Variants in EHMT1 observed in about 807,000 individuals in gnomAD.
EHMT1 encodes the protein euchromatic histone lysine methyltransferase 1, also known as histone-lysine N-methyltransferase EHMT1.
A neutral mutation model predicts 147.2 loss-of-function variants in EHMT1; 15 were observed. That is an observed-to-expected ratio of 0.10 (90% CI 0.07 to 0.16). The LOEUF (loss-of-function observed/expected upper bound fraction) is 0.16, where lower values mean the gene tolerates loss of function less well. Among genes scored for constraint, EHMT1 ranks in the 10% least tolerant of loss-of-function variants. EHMT1 has a pLI of 1.00. For missense variants in EHMT1, 1,587 were observed against 1,772.4 expected, an observed-to-expected ratio of 0.90 and a Z score of 1.88; for synonymous variants, 795 against 709.6, an observed-to-expected ratio of 1.12 and a Z score of -1.91.
At chr9:137,801,225 C>T (rs1484116360) in intron 18 of EHMT1, among the ~76,000 whole-genome samples, 3 of 152,206 alleles carry the variant, frequency 2.0e-5, no homozygotes, top group Non-Finnish European at 4.4e-5. Context: ...GCTGCACTGC[C>T]CTGGTCTCCC....
At chr9:137,668,530 G>A (rs1012425162) in intron 1 of EHMT1, among the ~76,000 whole-genome samples, 2 of 152,130 alleles carry the variant, frequency 1.3e-5, no homozygotes, top group African/African-American at 4.8e-5. Flanking sequence ...TGAAACTTGA[G>A]TATATTTGTG....
chr9:137,635,616 C>G (rs144494942), intron 1 of EHMT1, among the ~76,000 whole-genome samples: 1,581 of 151,388 alleles, frequency 0.01, 25 homozygotes, highest in African/African-American at 0.032. Context: ...GTCAGGAGAT[C>G]GAGACCATCC....
At chr9:137,690,506 CAAAAAAA>C (rs34887611) in intron 1 of EHMT1, among the ~76,000 whole-genome samples, 2 of 91,152 alleles carry the variant, frequency 2.2e-5, no homozygotes, top group Non-Finnish European at 4.7e-5. Context: ...GACCCTGTCT[CAAAAAAA>C]AAAAAAAAAA....
chr9:137,621,251 A>T (rs1046665472), intron 1 of EHMT1, among the ~76,000 whole-genome samples: 1 of 152,216 alleles, frequency 6.6e-6, no homozygotes, highest in African/African-American at 2.4e-5. Flanking sequence ...GTAGGTAGGC[A>T]TGTGATCACT....
At chr9:137,651,324 T>A (rs941452761) in intron 1 of EHMT1, among the ~76,000 whole-genome samples, 1 of 152,230 alleles carries the variant, frequency 6.6e-6, no homozygotes, top group East Asian at 1.9e-4. Flanking sequence ...TTAGAAACAC[T>A]TTTGAAATTC....
intron 8 of EHMT1, 57 bp downstream of exon 8, chr9:137,754,348 AGGAGGCCCACCT>A: frequency 6.2e-7 from 1 of 1,607,616 alleles, no homozygotes; most frequent in Non-Finnish European, 8.5e-7. Context: ...GGATGGTGCC[AGGAGGCCCACCT>A]GGGGTTGGGG....
chr9:137,806,633 C>T (rs1034331601), intron 18 of EHMT1, among the ~76,000 whole-genome samples: 2 of 152,134 alleles, frequency 1.3e-5, no homozygotes, highest in Non-Finnish European at 2.9e-5. Context: ...ATGGGTTTCA[C>T]CATGTTGGCC....
intron 1 of EHMT1, among the ~76,000 whole-genome samples, chr9:137,655,542 C>T (rs1031568007): frequency 6.6e-6 from 1 of 152,212 alleles, no homozygotes; most frequent in Non-Finnish European, 1.5e-5. Flanking sequence ...TTACCATTTA[C>T]ATGAAGATGC....
At chr9:137,634,367 G>A (rs1268445430) in intron 1 of EHMT1, among the ~76,000 whole-genome samples, 1 of 152,158 alleles carries the variant, frequency 6.6e-6, no homozygotes, top group African/African-American at 2.4e-5. Context: ...TTCATGTACA[G>A]TTGGCTCAGC....
intron 1 of EHMT1, among the ~76,000 whole-genome samples, chr9:137,654,343 G>T (rs1288121227): frequency 6.6e-6 from 1 of 151,264 alleles, no homozygotes; most frequent in Non-Finnish European, 1.5e-5. Context: ...CAGCCTGGGC[G>T]ACAGAGCGAG....
intron 1 of EHMT1, among the ~76,000 whole-genome samples, chr9:137,680,405 A>G (rs1941824828): frequency 6.6e-6 from 1 of 152,204 alleles, no homozygotes; most frequent in Non-Finnish European, 1.5e-5. Flanking sequence ...CTGGAGAGGC[A>G]GAGGTTGCAG....
At chr9:137,631,963 G>A (rs866561510) in intron 1 of EHMT1, among the ~76,000 whole-genome samples, 5 of 152,184 alleles carry the variant, frequency 3.3e-5, no homozygotes, top group African/African-American at 9.7e-5. Context: ...GTAGGGTAGT[G>A]CACTGCCTTT....
At chr9:137,804,022 A>G (rs768379484) in intron 18 of EHMT1, among the ~76,000 whole-genome samples, 2 of 152,196 alleles carry the variant, frequency 1.3e-5, no homozygotes, top group Non-Finnish European at 2.9e-5. Flanking sequence ...GAAACTTAAC[A>G]ATCATGGCAG....
chr9:137,746,599 C>G (rs1246755572), intron 6 of EHMT1: 1 of 152,100 alleles, frequency 6.6e-6, no homozygotes, highest in Non-Finnish European at 1.5e-5. Flanking sequence ...ATATTTGATT[C>G]ATATAGAATT....
At chr9:137,768,898 G>A (rs1950419967) in intron 10 of EHMT1, among the ~76,000 whole-genome samples, 1 of 152,040 alleles carries the variant, frequency 6.6e-6, no homozygotes, top group Admixed American at 6.6e-5. Context: ...TGTTGGCCAG[G>A]CTGGTCTCGA....
intron 25 of EHMT1, among the ~76,000 whole-genome samples, chr9:137,824,774 C>A (rs1293905121): frequency 1.3e-5 from 2 of 152,176 alleles, no homozygotes; most frequent in Non-Finnish European, 2.9e-5. Context: ...TTTTAAATTT[C>A]ATCTTCCAGT....
chr9:137,678,888 G>C (rs1277360291), intron 1 of EHMT1, among the ~76,000 whole-genome samples: 2 of 152,240 alleles, frequency 1.3e-5, no homozygotes, highest in Non-Finnish European at 2.9e-5. Flanking sequence ...TGCAGTGCCA[G>C]AGTTAGCATG....
At chr9:137,688,734 A>T (rs1471036791) in intron 1 of EHMT1, among the ~76,000 whole-genome samples, 1 of 152,190 alleles carries the variant, frequency 6.6e-6, no homozygotes, top group African/African-American at 2.4e-5. Context: ...GTGTATTCTC[A>T]TGCACACGTT....
chr9:137,827,464 C>T (rs1955886560), intron 25 of EHMT1, among the ~76,000 whole-genome samples: 1 of 152,222 alleles, frequency 6.6e-6, no homozygotes, highest in African/African-American at 2.4e-5. Context: ...CCCCAGACCC[C>T]TGTCCACCTG....
Sources: gnomAD v4.1 joint callset for allele counts (sites outside exome capture counted in the v4.1 genomes callset) on GRCh38, gnomAD v4.1.1 for gene constraint, MANE v1.5 for transcripts, NCBI Gene and HGNC (gene_info 2026-07-23, HGNC 2026-07-21) for gene names.